The following ST14 variants were observed in gnomAD, a reference collection of about 807,000 sequenced individuals.
ST14 encodes ST14 transmembrane serine protease matriptase, also known as suppressor of tumorigenicity 14 protein.
ST14 carries 40 observed loss-of-function variants against 96.5 expected under a neutral mutation model. That is an observed-to-expected ratio of 0.41 (90% CI 0.32 to 0.54). ST14 has a LOEUF of 0.54. ST14 is among the 20% of genes least tolerant of loss of function. The pLI is 0.17. For synonymous variants in ST14, 506 were observed against 492.1 expected (o/e 1.03, Z -0.37); for missense variants, 1,066 against 1,188.9 (o/e 0.90, Z 1.52).
chr11:130,166,334 T>C (rs150470851), intron 1 of ST14, among the ~76,000 whole-genome samples: 1 of 152,326 alleles, frequency 6.6e-6, no homozygotes, highest in African/African-American at 2.4e-5. Flanking sequence ...AGGTGTTTTA[T>C]TGGCCTCCTG....
chr11:130,192,430 C>T (rs755010852), intron 7 of ST14, among the ~76,000 whole-genome samples: 1 of 152,232 alleles, frequency 6.6e-6, no homozygotes, highest in Non-Finnish European at 1.5e-5. Flanking sequence ...GCTCTGTCGC[C>T]CAGGCTGGAG....
Position 130,181,561 on chromosome 11 carries a change from G to C in ST14, c.82-6553G>C, listed in dbSNP as rs73034633. Among the ~76,000 whole-genome samples the C allele has an allele frequency of 1.7e-3, 252 of 152,324 alleles. No homozygotes were observed. The highest frequency in any genetic ancestry group is 2.6e-3 in the Non-Finnish European group (179 of 68,036). ...CAGGCGCAGGCATAGGATCTCTCCT[G>C]TCGGCTGTGGCCCAGTAGAGAGGTG... is the stretch of plus-strand genomic sequence containing the variant. On this transcript the variant is annotated intron_variant, in intron 1 of 18. Transcript: ENST00000278742. This position sits in a 1 kb window ranked among gnomAD's most constrained non-coding sequence, Gnocchi z 4.1.
At position 130,190,528 on chromosome 11, in the gene ST14, C is replaced by T; in HGVS notation, c.709C>T (p.Pro237Ser). The T allele has an allele frequency of 6.2e-7, 1 of 1,611,066 alleles. No homozygotes were observed. The highest frequency in any genetic ancestry group is 8.5e-7 in the Non-Finnish European group (1 of 1,179,838). The part of the protein sequence containing the change: ...RFTTPGFPDS[P>S]YPAHARCQWA... ...CACCACGCCCGGCTTCCCTGACAGC[C>T]CCTACCCCGCTCATGCCCGCTGCCA... Residue 237 changes from proline (P) to serine (S), a missense_variant, in exon 7 of 19, where the codon CCC becomes TCC. Transcript: ENST00000278742.
chr11:130,190,391 G>A, intron 6 of ST14, 63 bp from the exon 7 acceptor site: 2 of 1,597,948 alleles, frequency 1.3e-6, no homozygotes, highest in East Asian at 4.5e-5. Context: ...GGGTCTCAGG[G>A]TCCTCCCCCA....
intron 1 of ST14, among the ~76,000 whole-genome samples, chr11:130,174,551 C>T (rs528387166): frequency 1.6e-4 from 24 of 152,086 alleles, no homozygotes; most frequent in Non-Finnish European, 2.6e-4. Context: ...ACCAACTCCC[C>T]GTATAGAGCC....
chr11:130,178,987 G>T (rs940469257), intron 1 of ST14, among the ~76,000 whole-genome samples: 1 of 152,166 alleles, frequency 6.6e-6, no homozygotes, highest in Non-Finnish European at 1.5e-5. Flanking sequence ...TCCCCAGGGC[G>T]TGGAAGCAAA....
rs1591883459 is a variant in ST14 at position 130,181,974 on chromosome 11, G to A, written c.82-6140G>A. On this transcript the variant is annotated intron_variant, in intron 1 of 18. Transcript: ENST00000278742. The surrounding 1 kb of genome is among the most constrained non-coding windows in gnomAD (Gnocchi z 4.1). ...TGGCAGAGTCTGGGGTGACCCCTGAGTCAATGCCCTCAGCCACCTTACCCC... is the reference window on the plus strand; with the variant it reads ...TGGCAGAGTCTGGGGTGACCCCTGAATCAATGCCCTCAGCCACCTTACCCC... 6.6e-6 allele frequency among the ~76,000 whole-genome samples: 1 copy of A among 152,220 alleles called. No individual in the cohort carries two copies. Among genetic ancestry groups the A allele is most frequent in the East Asian group, 1.9e-4 (1 of 5,198 alleles).
chr11:130,209,826 G>T lies in ST14; in HGVS notation c.*3G>T. On this transcript the variant is annotated 3_prime_UTR_variant, in exon 19 of 19. Coordinates refer to ENST00000278742, the MANE Select transcript of ST14 (RefSeq NM_021978.4). ...TCAAAGAGAACACTGGGGTATAGGG[G>T]CCGGGGCCACCCAAATGTGTACACC... is the stretch of plus-strand genomic sequence containing the variant. 2 of 1,613,482 alleles carry T rather than the reference G, an allele frequency of 1.2e-6. No homozygotes were observed. The highest frequency in any genetic ancestry group is 2.2e-5 in the South Asian group (2 of 91,084).
chr11:130,199,867 C>G (rs908766925), intron 15 of ST14, 84 bp from the exon 16 acceptor site: 2 of 1,567,508 alleles, frequency 1.3e-6, no homozygotes, highest in African/African-American at 2.7e-5. Context: ...CACACAGGGT[C>G]TCCTGGCACA....
At position 130,188,736 on chromosome 11, in the gene ST14, C is replaced by A; in HGVS notation, c.369+79C>A. The A allele has an allele frequency of 6.2e-7, 1 of 1,611,812 alleles. No individual in the cohort carries two copies. Among genetic ancestry groups the A allele is most frequent in the Non-Finnish European group, 8.5e-7 (1 of 1,178,554 alleles). On this transcript the variant is annotated intron_variant, in intron 3 of 18. Transcript: ENST00000278742. This position sits in a 1 kb window ranked among gnomAD's most constrained non-coding sequence, Gnocchi z 5.4. The stretch of plus-strand genomic sequence containing the variant: ...TGCTGGGCAGGAGGGACATGCCTCG[C>A]CTGTGCTCCCAGGGCCCTGGGATGG...
rs1447430985 is a variant in ST14, at chr11:130,188,094, T to C, written c.82-20T>C. 1 of 1,613,550 alleles carries C rather than the reference T, an allele frequency of 6.2e-7. No individual in the cohort carries two copies. The highest frequency in any genetic ancestry group is 8.5e-7 in the Non-Finnish European group (1 of 1,179,814). ...AGAGCGGGTGAGAGGGTCTGAGTGGTGGCGCCTCTCTCCCTGCAGAAAGTG... is the reference window on the plus strand; with the variant it reads ...AGAGCGGGTGAGAGGGTCTGAGTGGCGGCGCCTCTCTCCCTGCAGAAAGTG... On this transcript the variant is annotated intron_variant, in intron 1 of 18. Transcript: ENST00000278742. This position sits in a 1 kb window ranked among gnomAD's most constrained non-coding sequence, Gnocchi z 5.4.
At position 130,205,972 on chromosome 11, in the gene ST14, C is replaced by T. The variant is rs147194479; in HGVS notation, c.1995-2438C>T. Reference sequence around the variant, plus strand: ...TGGGGCTCCCAAAGTGCTAGGATTACAGGCGTGAGCCACCATGCCCAGCCT... The same window carrying T: ...TGGGGCTCCCAAAGTGCTAGGATTATAGGCGTGAGCCACCATGCCCAGCCT... On this transcript the variant is annotated intron_variant, in intron 16 of 18. Transcript: ENST00000278742. Among the ~76,000 whole-genome samples, 290 of 152,316 alleles carry T rather than the reference C, an allele frequency of 1.9e-3. 2 individuals carry two copies. The highest frequency in any genetic ancestry group is 6.6e-3 in the African/African-American group (275 of 41,556).
intron 1 of ST14, among the ~76,000 whole-genome samples, chr11:130,160,370 G>A (rs1466599911): frequency 6.6e-6 from 1 of 152,216 alleles, no homozygotes; most frequent in Non-Finnish European, 1.5e-5. Context: ...CTCTCGCGCT[G>A]TTAGTGAACA....
chr11:130,199,014 C>A lies in ST14; in HGVS notation c.1752C>A (p.Asn584Lys). Residue 584 changes from asparagine to lysine, a missense_variant, in exon 15 of 19, where the codon AAC becomes AAA. By Grantham distance (94) the Asn-to-Lys change is moderately conservative. Coordinates refer to ENST00000278742, the MANE Select transcript of ST14 (RefSeq NM_021978.4). Reference sequence around the variant, plus strand: ...ATGGGCTCTGCTTGAGCAAGGGCAACCCTGAGTGTGACGGGAAGGAGGACT... The same window carrying A: ...ATGGGCTCTGCTTGAGCAAGGGCAAACCTGAGTGTGACGGGAAGGAGGACT... ...CLNGLCLSKG[N>K]PECDGKEDCS... 2 of 1,614,110 alleles carry A rather than the reference C, an allele frequency of 1.2e-6. No individual in the cohort carries two copies. Among genetic ancestry groups the A allele is most frequent in the Non-Finnish European group, 1.7e-6 (2 of 1,180,028 alleles).
rs531201238 is a variant in ST14 at position 130,199,086 on chromosome 11, A to G, written c.1807+17A>G. The G allele has an allele frequency of 6.2e-7, 1 of 1,611,536 alleles. No individual in the cohort carries two copies. The highest frequency in any genetic ancestry group is 1.7e-5 in the Admixed American group (1 of 59,822). On this transcript the variant is annotated intron_variant, in intron 15 of 18. Transcript: ENST00000278742. ...AGGACTGCGGTGAGCAGGGCATCCG[A>G]GTACGGTTGTGCAGGTTGTTCACTG...
chr11:130,210,089 G>A lies in ST14; in HGVS notation c.*266G>A, dbSNP rs970350969. 8.2e-6 allele frequency: 4 copies of A among 488,540 alleles called. No homozygotes were observed. Among genetic ancestry groups the A allele is most frequent in the Middle Eastern group, 5.5e-4 (1 of 1,826 alleles). 30.3% of individuals were successfully genotyped at this position (488,540 alleles called of 1,614,324 possible). ...AAGGTTTGAAGACACAGCCTCCCCC[G>A]CCAGCCCCAAGCTGGGCCGAGGCGC... On this transcript the variant is annotated 3_prime_UTR_variant, in exon 19 of 19. Transcript: ENST00000278742.
chr11:130,178,522 C>T (rs534222093), intron 1 of ST14, among the ~76,000 whole-genome samples: 2 of 152,266 alleles, frequency 1.3e-5, no homozygotes, highest in South Asian at 4.1e-4. Context: ...TTGAAACCTG[C>T]AGGAGCTGGC....
chr11:130,203,498 C>T (rs922303556), intron 16 of ST14, among the ~76,000 whole-genome samples: 2 of 152,206 alleles, frequency 1.3e-5, no homozygotes, highest in Non-Finnish European at 2.9e-5. Flanking sequence ...CTTGCTTCAG[C>T]GCCTGCCACG....
intron 1 of ST14, among the ~76,000 whole-genome samples, chr11:130,180,196 T>C (rs989786782): frequency 2.0e-5 from 3 of 152,170 alleles, no homozygotes; most frequent in African/African-American, 7.2e-5. Context: ...AGCACAGCTG[T>C]GTCCCTAGCT....
Sources: gnomAD v4.1 joint callset for allele counts (sites outside exome capture counted in the v4.1 genomes callset) on GRCh38, gnomAD v4.1.1 for gene constraint, Gnocchi (gnomAD v3.1) non-coding constraint, MANE v1.5 for transcripts, NCBI Gene and HGNC (gene_info 2026-07-23, HGNC 2026-07-21) for gene names.